Variants in SMYD3 observed in about 807,000 individuals in gnomAD.
The protein encoded by SMYD3 is SET and MYND domain containing 3.
SMYD3 carries 36 observed loss-of-function variants against 57.7 expected under a neutral mutation model. The ratio of observed to expected loss-of-function variants is 0.62; its 90% CI spans 0.48 to 0.82. The LOEUF (loss-of-function observed/expected upper bound fraction) is 0.82, where lower values mean the gene tolerates loss of function less well. SMYD3 is among the 40% of genes least tolerant of loss of function. The probability of loss-of-function intolerance (pLI) is 0.00; values close to 1 mark genes in which losing one functional copy is unlikely to be tolerated. For synonymous variants in SMYD3, 211 were observed against 195.0 expected, an observed-to-expected ratio of 1.08 and a Z score of -0.68; for missense variants, 515 against 538.8, an observed-to-expected ratio of 0.96 and a Z score of 0.44.
At chr1:246,397,294 T>C (rs944848307) in intron 1 of SMYD3, among the ~76,000 whole-genome samples, 6 of 152,322 alleles carry the variant, frequency 3.9e-5, no homozygotes, top group African/African-American at 1.4e-4. Context: ...AAATGTAATG[T>C]GCTTGAATCA....
chr1:246,212,834 A>G (rs1174501642), intron 5 of SMYD3, among the ~76,000 whole-genome samples: 1 of 152,194 alleles, frequency 6.6e-6, no homozygotes, highest in Non-Finnish European at 1.5e-5. Flanking sequence ...GTTAATCTAA[A>G]CAACAAATAT....
At chr1:246,261,126 T>C (rs1380782412) in intron 5 of SMYD3, among the ~76,000 whole-genome samples, 2 of 152,092 alleles carry the variant, frequency 1.3e-5, no homozygotes, top group African/African-American at 2.4e-5. Context: ...TGGCACCATC[T>C]CAGCTCACTG....
chr1:246,387,168 T>C (rs1455156239), intron 1 of SMYD3, among the ~76,000 whole-genome samples: 1 of 152,198 alleles, frequency 6.6e-6, no homozygotes, highest in East Asian at 1.9e-4. Flanking sequence ...ATATCCCTTC[T>C]AACCACCGCA....
intron 1 of SMYD3, among the ~76,000 whole-genome samples, chr1:246,426,783 CTG>C (rs1479643848): frequency 2.6e-5 from 4 of 152,086 alleles, no homozygotes; most frequent in African/African-American, 9.7e-5. Flanking sequence ...TACTTTAACT[CTG>C]AGAGGAAAAT....
chr1:246,171,819 T>C (rs2062339853), intron 5 of SMYD3, among the ~76,000 whole-genome samples: 1 of 152,164 alleles, frequency 6.6e-6, no homozygotes, highest in South Asian at 2.1e-4. Context: ...GAGACCAGAC[T>C]GGGCAACATA....
At chr1:245,849,317 G>A (rs560227961) in intron 10 of SMYD3, among the ~76,000 whole-genome samples, 1 of 152,340 alleles carries the variant, frequency 6.6e-6, no homozygotes, top group African/African-American at 2.4e-5. Context: ...TTATCAGAAA[G>A]AGCAGGATTT....
At chr1:246,283,156 A>G (rs1420155988) in intron 5 of SMYD3, among the ~76,000 whole-genome samples, 1 of 152,196 alleles carries the variant, frequency 6.6e-6, no homozygotes, top group African/African-American at 2.4e-5. Flanking sequence ...AACAGTGGTC[A>G]AGCTTTTGGG....
At chr1:246,114,729 C>G (rs749952024) in intron 5 of SMYD3, among the ~76,000 whole-genome samples, 21 of 152,130 alleles carry the variant, frequency 1.4e-4, no homozygotes, top group Non-Finnish European at 3.1e-4. Flanking sequence ...CTACCAGGTT[C>G]AAGCAAATCT....
In SMYD3 at chr1:246,203,300, T is replaced by C. The variant is rs1001974867; in HGVS notation, c.531+123901A>G. 6.6e-6 allele frequency among the ~76,000 whole-genome samples: 1 copy of C among 152,114 alleles called. No individual in the cohort carries two copies. The highest frequency in any genetic ancestry group is 1.5e-5 in the Non-Finnish European group (1 of 68,024). The stretch of plus-strand genomic sequence containing the variant: ...CTTTAATCCAGATGTGTGCAAGATA[T>C]TGGGGATTTGTTCAGCCACCATCAG... On this transcript the variant is annotated intron_variant, in intron 5 of 11. Coordinates refer to ENST00000490107, the MANE Select transcript of SMYD3 (RefSeq NM_001167740.2). The surrounding 1 kb of genome is among the most constrained non-coding windows in gnomAD (Gnocchi z 4.6).
intron 10 of SMYD3, among the ~76,000 whole-genome samples, chr1:245,773,069 G>A (rs1475775610): frequency 1.4e-5 from 2 of 146,040 alleles, no homozygotes; most frequent in African/African-American, 5.1e-5. Flanking sequence ...TACACACTGG[G>A]TTGGGGGTGG....
intron 10 of SMYD3, among the ~76,000 whole-genome samples, chr1:245,851,233 C>T (rs2050957202): frequency 6.6e-6 from 1 of 152,202 alleles, no homozygotes; most frequent in Admixed American, 6.5e-5. Flanking sequence ...CCTCAGCTGG[C>T]TGTTGAAGGC....
At chr1:245,962,342 T>C (rs938443023) in intron 5 of SMYD3, among the ~76,000 whole-genome samples, 1 of 152,144 alleles carries the variant, frequency 6.6e-6, no homozygotes, top group Admixed American at 6.5e-5. Context: ...AAGATGAGTA[T>C]ACATGAAATA....
chr1:245,854,280 T>C (rs147225141), intron 10 of SMYD3, among the ~76,000 whole-genome samples: 2 of 152,280 alleles, frequency 1.3e-5, no homozygotes, highest in African/African-American at 2.4e-5. Context: ...GAAATGGTTA[T>C]CCAAATTTAA....
chr1:245,813,903 T>TATATATATATATAC (rs1447467637), intron 10 of SMYD3, among the ~76,000 whole-genome samples: 1 of 145,936 alleles, frequency 6.9e-6, no homozygotes, highest in African/African-American at 2.7e-5. Context: ...TATATATATA[T>TATATATATATATAC]ACAGATGAAT....
intron 5 of SMYD3, among the ~76,000 whole-genome samples, chr1:246,239,949 T>C (rs10802366): frequency 0.42 from 63,365 of 151,962 alleles, 14,798 homozygotes; most frequent in East Asian, 0.79. Context: ...TTGATTTTTT[T>C]TTGTAAATTT....
At chr1:246,148,507 T>C (rs2061892207) in intron 5 of SMYD3, among the ~76,000 whole-genome samples, 1 of 152,150 alleles carries the variant, frequency 6.6e-6, no homozygotes, top group Non-Finnish European at 1.5e-5. Context: ...GAGTACCTCA[T>C]TCTTCCTGGA....
intron 2 of SMYD3, among the ~76,000 whole-genome samples, chr1:246,348,060 T>TCATATATATATATATATATATA (rs1173574600): frequency 1.4e-4 from 12 of 83,010 alleles, no homozygotes; most frequent in Admixed American, 1.0e-3. Flanking sequence ...AAAGAAAACG[T>TCATATATATATATATATATATA]TATATATATA....
At chr1:245,814,693 C>A (rs1192415538) in intron 10 of SMYD3, among the ~76,000 whole-genome samples, 1 of 152,092 alleles carries the variant, frequency 6.6e-6, no homozygotes, top group Admixed American at 6.6e-5. Flanking sequence ...GCTAAGAGCT[C>A]CGATGAGGAA....
intron 1 of SMYD3, among the ~76,000 whole-genome samples, chr1:246,495,313 C>T (rs1219441403): frequency 7.3e-6 from 1 of 137,764 alleles, no homozygotes; most frequent in Non-Finnish European, 1.5e-5. Context: ...CATGCCACTG[C>T]ACTCCAGCCT....
Sources: gnomAD v4.1 joint callset for allele counts (sites outside exome capture counted in the v4.1 genomes callset) on GRCh38, gnomAD v4.1.1 for gene constraint, Gnocchi (gnomAD v3.1) non-coding constraint, MANE v1.5 for transcripts, NCBI Gene and HGNC (gene_info 2026-07-23, HGNC 2026-07-21) for gene names.